The following TRIO variants were observed in gnomAD, a reference collection of about 807,000 sequenced individuals.
TRIO encodes the protein triple functional domain protein.
TRIO carries 58 observed loss-of-function variants against 351.9 expected under a neutral mutation model. The observed-to-expected ratio is 0.16, with a 90% CI of 0.13 to 0.21. TRIO has a LOEUF of 0.21. Among genes scored for constraint, TRIO ranks in the 10% least tolerant of loss-of-function variants. The pLI is 1.00. For missense variants in TRIO, 3,201 were observed against 4,027.8 expected (o/e 0.79, Z 5.56); for synonymous variants, 1,758 against 1,595.7 (o/e 1.10, Z -2.42).
intron 47 of TRIO, among the ~76,000 whole-genome samples, chr5:14,486,035 TGAG>T (rs1755892809): frequency 6.6e-6 from 1 of 151,780 alleles, no homozygotes; most frequent in Admixed American, 6.6e-5. Context: ...TTCCGTGACT[TGAG>T]GGATTGCAGA....
At chr5:14,240,916 A>G (rs1403505472) in intron 1 of TRIO, among the ~76,000 whole-genome samples, 1 of 152,210 alleles carries the variant, frequency 6.6e-6, no homozygotes, top group Non-Finnish European at 1.5e-5. Context: ...ATGGTAAAAG[A>G]TTGAAGTTTT....
chr5:14,408,403 C>T (rs1315297905), intron 33 of TRIO, among the ~76,000 whole-genome samples: 1 of 151,894 alleles, frequency 6.6e-6, no homozygotes, highest in Non-Finnish European at 1.5e-5. Flanking sequence ...AATGACAAGA[C>T]CAGAGAATAA....
At chr5:14,501,631 A>G (rs567150583) in intron 53 of TRIO, among the ~76,000 whole-genome samples, 20 of 152,350 alleles carry the variant, frequency 1.3e-4, no homozygotes, top group South Asian at 4.1e-4. Flanking sequence ...AGGGAGCCCA[A>G]TTAGACAAGT....
At chr5:14,294,884 G>A (rs1392891869) in intron 6 of TRIO, among the ~76,000 whole-genome samples, 2 of 152,176 alleles carry the variant, frequency 1.3e-5, no homozygotes, top group Non-Finnish European at 2.9e-5. Context: ...TGCAGTTAAA[G>A]CAGGTAAGAA....
intron 1 of TRIO, among the ~76,000 whole-genome samples, chr5:14,245,908 T>G (rs1794410637): frequency 6.6e-6 from 1 of 152,234 alleles, no homozygotes; most frequent in Non-Finnish European, 1.5e-5. Flanking sequence ...TAGAAGCCTA[T>G]TAGGGTGTTG....
chr5:14,388,721 A>G, intron 24 of TRIO, 42 bp downstream of exon 24: 1 of 1,544,264 alleles, frequency 6.5e-7, no homozygotes, highest in Non-Finnish European at 8.7e-7. Flanking sequence ...GTTTATTTAG[A>G]TTGAGCATAA....
chr5:14,502,373 G>A (rs1279843448), intron 53 of TRIO, among the ~76,000 whole-genome samples: 2 of 152,212 alleles, frequency 1.3e-5, no homozygotes, highest in Admixed American at 1.3e-4. Flanking sequence ...AAAATCATTA[G>A]TGAACTATTT....
chr5:14,479,130 G>A (rs566896530), intron 41 of TRIO, 131 bp from the exon 42 acceptor site: 35 of 734,220 alleles, frequency 4.8e-5, no homozygotes, highest in African/African-American at 2.7e-4. Flanking sequence ...ATTTACTCCC[G>A]AGAGCCTTAG....
chr5:14,357,461 C>A (rs1243171992), intron 11 of TRIO, among the ~76,000 whole-genome samples: 1 of 152,234 alleles, frequency 6.6e-6, no homozygotes, highest in Non-Finnish European at 1.5e-5. Context: ...TGGCTCCCAC[C>A]TGGCCCAAAG....
At chr5:14,348,732 G>T (rs1248863085) in intron 11 of TRIO, among the ~76,000 whole-genome samples, 1 of 147,164 alleles carries the variant, frequency 6.8e-6, no homozygotes, top group East Asian at 2.0e-4. Flanking sequence ...ACATGAGCAT[G>T]TGTTTTTCCT....
chr5:14,444,444 T>C (rs1344978981), intron 34 of TRIO, among the ~76,000 whole-genome samples: 2 of 152,226 alleles, frequency 1.3e-5, no homozygotes, highest in African/African-American at 4.8e-5. Flanking sequence ...TTTAAGTGAA[T>C]GGTTTAAGAC....
In TRIO at chr5:14,412,977, A is replaced by ATATAC. The variant is rs1554073936; in HGVS notation, c.4959+6309_4959+6310insCTATA. ...AAATGGGAATGATAGTACTGCTCAC[A>ATATAC]TATATTTAGATCAGTGACTAGCATG... On this transcript the variant is annotated intron_variant, in intron 33 of 56. Coordinates refer to ENST00000344204, the MANE Select transcript of TRIO (RefSeq NM_007118.4). Among the ~76,000 whole-genome samples, 3,310 of 104,496 alleles carry ATATAC rather than the reference A, an allele frequency of 0.032. 103 individuals are homozygous for ATATAC. The African/African-American group carries it at 0.32, about 10-fold the overall frequency. 68.6% of individuals were successfully genotyped at this position (104,496 alleles called of 152,430 possible). A position where few individuals can be genotyped will look rare whatever the true frequency, so the allele number is the denominator to read the frequency against.
intron 11 of TRIO, among the ~76,000 whole-genome samples, chr5:14,349,339 A>C (rs760912470): frequency 1.3e-5 from 2 of 151,738 alleles, no homozygotes; most frequent in African/African-American, 2.4e-5. Flanking sequence ...GCACATGAGC[A>C]TGTGTTTTTC....
chr5:14,244,096 C>A (rs1794296271), intron 1 of TRIO, among the ~76,000 whole-genome samples: 1 of 152,188 alleles, frequency 6.6e-6, no homozygotes, highest in Non-Finnish European at 1.5e-5. Context: ...AGTAAAACAT[C>A]ATGGAACGTT....
chr5:14,270,747 G>T, intron 1 of TRIO, 78 bp from the exon 2 acceptor site: 1 of 1,069,956 alleles, frequency 9.3e-7, no homozygotes, highest in Non-Finnish European at 1.4e-6. Flanking sequence ...CTGCTGTGTT[G>T]GCATTGGATA....
intron 11 of TRIO, among the ~76,000 whole-genome samples, chr5:14,337,002 A>C (rs1741477096): frequency 6.6e-6 from 1 of 152,140 alleles, no homozygotes; most frequent in Non-Finnish European, 1.5e-5. Context: ...CCATTTCTAT[A>C]AGTAGGGGAC....
intron 33 of TRIO, among the ~76,000 whole-genome samples, chr5:14,411,576 A>G (rs1360834827): frequency 1.3e-4 from 19 of 151,548 alleles, no homozygotes; most frequent in Non-Finnish European, 2.9e-5. Flanking sequence ...ATATGGATTC[A>G]CATATTTAAA....
chr5:14,208,216 C>T (rs766774319), intron 1 of TRIO, among the ~76,000 whole-genome samples: 5 of 152,142 alleles, frequency 3.3e-5, no homozygotes, highest in African/African-American at 4.8e-5. Context: ...AATGTACAGC[C>T]GTATTACTCA....
At chr5:14,277,693 A>G (rs540750792) in intron 2 of TRIO, among the ~76,000 whole-genome samples, 34 of 152,266 alleles carry the variant, frequency 2.2e-4, no homozygotes, top group African/African-American at 6.7e-4. Context: ...CTCAGATGCT[A>G]TTTTCATTTG....
Sources: allele counts gnomAD v4.1 joint callset (sites outside exome capture counted in the v4.1 genomes callset), GRCh38; gene constraint gnomAD v4.1.1; transcripts MANE v1.5; gene names NCBI Gene and HGNC (gene_info 2026-07-23, HGNC 2026-07-21).